The following ITGA10 variants were observed in gnomAD, a reference collection of about 807,000 sequenced individuals.
ITGA10 encodes the protein integrin alpha-10.
Under a neutral mutation model 145.2 loss-of-function variants are expected in ITGA10, and 105 were observed. The observed-to-expected ratio is 0.72, with a 90% confidence interval of 0.62 to 0.85. The LOEUF (loss-of-function observed/expected upper bound fraction) is 0.85. ITGA10 is among the 40% of genes least tolerant of loss of function. ITGA10 has a pLI of 0.00. For missense variants in ITGA10, 1,317 were observed against 1,444.5 expected, an observed-to-expected ratio of 0.91 and a Z score of 1.43; for synonymous variants, 506 against 557.8, an observed-to-expected ratio of 0.91 and a Z score of 1.31.
intron 17 of ITGA10, 67 bp from the exon 18 acceptor site, chr1:145,898,290 T>A: frequency 1.0e-6 from 1 of 1,002,820 alleles, no homozygotes; most frequent in East Asian, 2.4e-5. Flanking sequence ...TGATCATTTA[T>A]GAAGCATTTT....
rs1553748122 is a variant in ITGA10, at chr1:145,901,114, G to T, written c.1587+21C>A. ...ACCCCCACAATGCAAGTCCAGGGCA[G>T]GGGGTCCCAGCAAGTCTCACCTGGC... On this transcript the variant is annotated intron_variant, in intron 13 of 29. Transcript: ENST00000369304. The surrounding 1 kb of genome is among the most constrained non-coding windows in gnomAD (Gnocchi z 4.3). 1.2e-6 allele frequency: 2 copies of T among 1,613,576 alleles called. No homozygotes were observed. The highest frequency in any genetic ancestry group is 2.2e-5 in the East Asian group (1 of 44,884).
At chr1:145,907,615 CAG>C in intron 1 of ITGA10, 150 bp from the exon 2 acceptor site, 1 of 1,454,296 alleles carries the variant, frequency 6.9e-7, no homozygotes, top group Non-Finnish European at 9.0e-7. Context: ...GTCATGTACT[CAG>C]AGCTCCAGGC....
At chr1:145,900,022 T>G in intron 15 of ITGA10, 35 bp downstream of exon 15, 3 of 1,598,190 alleles carry the variant, frequency 1.9e-6, no homozygotes, top group Non-Finnish European at 2.6e-6. Context: ...AGCTATGCTA[T>G]GCTGTCCACC....
In ITGA10 at chr1:145,902,967, A is replaced by G. The variant is rs1553749649; in HGVS notation, c.759-6T>C. ...ACTGACTGAACCCTTCTGTGCTGAG[A>G]AGAGAAAGGAGTGAGGTGAGATCAG... is the stretch of plus-strand genomic sequence containing the variant. On this transcript the variant is annotated splice_polypyrimidine_tract_variant and splice_region_variant and intron_variant, in intron 7 of 29. Transcript: ENST00000369304. 1 of 1,586,978 alleles carries G rather than the reference A, an allele frequency of 6.3e-7. No homozygotes were observed. Among genetic ancestry groups the G allele is most frequent in the East Asian group, 2.2e-5 (1 of 44,708 alleles).
rs140344269 is a variant in ITGA10, at chr1:145,904,098, G to A, written c.712C>T (p.Arg238Trp). 1.8e-3 allele frequency: 2,955 copies of A among 1,613,970 alleles called. 1 individual carries two copies. Among genetic ancestry groups the A allele is most frequent in the Non-Finnish European group, 2.3e-3 (2,768 of 1,179,990 alleles). Residue 238 changes from arginine (R) to tryptophan (W), a missense_variant, in exon 7 of 30, where the codon CGG becomes TGG. Coordinates refer to ENST00000369304, the MANE Select transcript of ITGA10 (RefSeq NM_003637.5). ...VVRAAKNLSR[R>W]EGRETKTAQA... ...GCAGTCTTTGTTTCTCGTCCCTCCC[G>A]CCGACTGAGGTTCTTTGCTGCTCTC... is the stretch of plus-strand genomic sequence containing the variant.
intron 6 of ITGA10, among the ~76,000 whole-genome samples, 168 bp downstream of exon 6, chr1:145,904,516 A>C (rs1656839900): frequency 6.6e-6 from 1 of 151,078 alleles, no homozygotes; most frequent in Non-Finnish European, 1.5e-5. Flanking sequence ...CTGTAGGCGC[A>C]TGCCACCATG....
intron 5 of ITGA10, among the ~76,000 whole-genome samples, chr1:145,905,254 A>T (rs1296312969): frequency 6.6e-6 from 1 of 151,914 alleles, no homozygotes; most frequent in Non-Finnish European, 1.5e-5. Context: ...AGGAGAAGAG[A>T]ATATTAGGAA....
chr1:145,893,597 C>T lies in ITGA10; in HGVS notation c.3267G>A (p.Glu1089=), dbSNP rs142193785. The T allele has an allele frequency of 6.2e-7, 1 of 1,613,370 alleles. No individual in the cohort carries two copies. Among genetic ancestry groups the T allele is most frequent in the Admixed American group, 1.7e-5 (1 of 59,946 alleles). ...FKSLTVVSTF[E]LGTEEGSVLQ... Reference sequence around the variant, plus strand: ...GGACACTGCCCTCTTCGGTTCCCAGCTCAAAGGTGCTGACCACCGTCAGGG... The same window carrying T: ...GGACACTGCCCTCTTCGGTTCCCAGTTCAAAGGTGCTGACCACCGTCAGGG... The change falls in exon 28 of 30, where the codon GAG becomes GAA. Residue 1089 remains glutamate (E), a synonymous_variant. Transcript: ENST00000369304.
chr1:145,907,602 A>T lies in ITGA10; in HGVS notation c.53-137T>A, dbSNP rs1170252417. The T allele has an allele frequency of 3.4e-6, 5 of 1,475,216 alleles. No individual in the cohort carries two copies. The Admixed American group carries it at 7.5e-5, about 22-fold the overall frequency. The allele number at this position is 1,475,216 out of a possible 1,614,324, so 91.4% of individuals were successfully genotyped here. A position where few individuals can be genotyped will look rare whatever the true frequency, so the allele number is the denominator to read the frequency against. On this transcript the variant is annotated intron_variant, in intron 1 of 29. Coordinates refer to ENST00000369304, the MANE Select transcript of ITGA10 (RefSeq NM_003637.5). ...CTCATAAGCTTTTCTGGCCTCTCTC[A>T]GTGTCATGTACTCAGAGCTCCAGGC...
rs200134409 is a variant in ITGA10, at chr1:145,897,883, A to G, written c.2364T>C (p.Asp788=). 10 of 1,613,996 alleles carry G rather than the reference A, an allele frequency of 6.2e-6. No individual in the cohort carries two copies. In the Admixed American group the frequency reaches 6.7e-5, roughly 11 times the overall value. The change falls in exon 19 of 30, where the codon GAT becomes GAC. Residue 788 remains aspartate, a synonymous_variant. Coordinates refer to ENST00000369304, the MANE Select transcript of ITGA10 (RefSeq NM_003637.5). ...SIQKLVPFSK[D]CGPDNECVTD... The stretch of plus-strand genomic sequence containing the variant: ...TGACACATTCATTGTCAGGGCCACA[A>G]TCCTTTGAGAAGGGGACCTGGAAGA...
In ITGA10 at chr1:145,904,728, G is replaced by T. The variant is rs775794236; in HGVS notation, c.565C>A (p.Arg189=). 1.2e-6 allele frequency: 2 copies of T among 1,613,764 alleles called. No homozygotes were observed. The highest frequency in any genetic ancestry group is 1.7e-6 in the Non-Finnish European group (2 of 1,179,860). The change falls in exon 6 of 30, where the codon CGA becomes AGA. Residue 189 remains arginine (R), a synonymous_variant. Coordinates refer to ENST00000369304, the MANE Select transcript of ITGA10 (RefSeq NM_003637.5). ...YPWSEVQTFL[R]RLVGKLFIDP... ...ATAAACAGTTTCCCTACCAGTCTTC[G>T]TAGGAAGGTCTGAACTTCAGACCAG...
rs911472722 is a variant in ITGA10, at chr1:145,906,744, C to A, written c.355G>T (p.Gly119Trp). Residue 119 changes from glycine (G) to tryptophan (W), a missense_variant, in exon 4 of 30, where the codon GGG becomes TGG. Coordinates refer to ENST00000369304, the MANE Select transcript of ITGA10 (RefSeq NM_003637.5). ...TCTCCTTAGCTCACCATGAATCCCCCATCACCATCTGTCTCTAACAGAGAC... is the reference window on the plus strand; with the variant it reads ...TCTCCTTAGCTCACCATGAATCCCCAATCACCATCTGTCTCTAACAGAGAC... ...GMSLLETDGDGGFMACAPLWS... is the reference protein window; with the variant it reads ...GMSLLETDGDWGFMACAPLWS... 28 of 1,611,568 alleles carry A rather than the reference C, an allele frequency of 1.7e-5. No homozygotes were observed. Among genetic ancestry groups the A allele is most frequent in the Non-Finnish European group, 2.2e-5 (26 of 1,177,838 alleles).
chr1:145,902,472 G>T lies in ITGA10; in HGVS notation c.1057C>A (p.Arg353=). Residue 353 remains arginine, a synonymous_variant, in exon 9 of 30, where the codon CGG becomes AGG. Transcript: ENST00000369304. ...LTDIVDALGD[R]IFGLEGSHAE... is the part of the protein sequence containing the mutation. ...TCCTCACCTTCAAGGCCAAAAATCCGATCTCCTAGTGCATCCACAATGTCA... is the reference window on the plus strand; with the variant it reads ...TCCTCACCTTCAAGGCCAAAAATCCTATCTCCTAGTGCATCCACAATGTCA... 3 of 1,611,152 alleles carry T rather than the reference G, an allele frequency of 1.9e-6. No individual in the cohort carries two copies. The highest frequency in any genetic ancestry group is 2.5e-6 in the Non-Finnish European group (3 of 1,178,648).
At chr1:145,906,139 G>A in intron 5 of ITGA10, 2 of 368,032 alleles carry the variant, frequency 5.4e-6, no homozygotes, top group Non-Finnish European at 1.0e-5. Context: ...ATGTTGGCCA[G>A]GCTGGTCTTG....
chr1:145,892,006 T>G lies in ITGA10; in HGVS notation c.*792A>C, dbSNP rs587602309. 52 of 152,616 alleles carry G rather than the reference T, an allele frequency of 3.4e-4. No individual in the cohort carries two copies. The highest frequency in any genetic ancestry group is 1.2e-3 in the African/African-American group (51 of 41,564). The allele number at this position is 152,616 out of a possible 1,614,324, so 9.5% of individuals were successfully genotyped here. The stretch of plus-strand genomic sequence containing the variant: ...ACCCAGTCCTCCCTGCTATTCCAGC[T>G]CCAGCCACCTGAGGGCTCCTGGCTT... On this transcript the variant is annotated 3_prime_UTR_variant, in exon 30 of 30. Coordinates refer to ENST00000369304, the MANE Select transcript of ITGA10 (RefSeq NM_003637.5).
At chr1:145,896,657 C>A in intron 23 of ITGA10, 112 bp downstream of exon 23, 2 of 865,696 alleles carry the variant, frequency 2.3e-6, no homozygotes, top group Middle Eastern at 2.2e-4. Flanking sequence ...GACTGAGCAG[C>A]CGCAAGGGCT....
intron 25 of ITGA10, 111 bp downstream of exon 25, chr1:145,895,872 A>G: frequency 9.8e-7 from 1 of 1,017,628 alleles, no homozygotes; most frequent in Non-Finnish European, 1.5e-6. Flanking sequence ...CCCAGAGAGA[A>G]GAGCCCCAAG....
intron 19 of ITGA10, 60 bp downstream of exon 19, chr1:145,897,755 T>C (rs1449003183): frequency 1.2e-6 from 2 of 1,610,662 alleles, no homozygotes; most frequent in Admixed American, 3.3e-5. Context: ...TACCCGCCCT[T>C]CGAGTCCCTT....
intron 5 of ITGA10, 123 bp downstream of exon 5, chr1:145,906,271 C>T (rs1217221249): frequency 2.9e-6 from 2 of 699,658 alleles, no homozygotes; most frequent in Non-Finnish European, 2.5e-6. Context: ...TTTGCAAGCA[C>T]ATTAGGTAGC....
Sources: allele counts gnomAD v4.1 joint callset (sites outside exome capture counted in the v4.1 genomes callset), GRCh38; gene constraint gnomAD v4.1.1; non-coding constraint Gnocchi (gnomAD v3.1); transcripts MANE v1.5; gene names NCBI Gene and HGNC (gene_info 2026-07-23, HGNC 2026-07-21).